Variants in IPP observed in about 807,000 individuals in gnomAD.
IPP encodes the protein intracisternal A particle-promoted polypeptide, also known as actin-binding protein IPP.
IPP carries 41 observed loss-of-function variants against 64.1 expected under a neutral mutation model. The observed-to-expected ratio is 0.64, with a 90% CI of 0.50 to 0.83. The LOEUF (loss-of-function observed/expected upper bound fraction) is 0.83, where lower values mean the gene tolerates loss of function less well. Ranked by LOEUF, IPP falls within the 40% of genes least tolerant of loss-of-function variation. The pLI is 0.00. For synonymous variants in IPP, 214 were observed against 235.2 expected (o/e 0.91, Z 0.83); for missense variants, 649 against 703.0 (o/e 0.92, Z 0.87).
At chr1:45,725,389 C>T (rs1570004179) in intron 5 of IPP, among the ~76,000 whole-genome samples, 2 of 145,980 alleles carry the variant, frequency 1.4e-5, no homozygotes, top group Middle Eastern at 3.6e-3. Flanking sequence ...AGGTGAGGGG[C>T]GCCTCTGCCC....
intron 8 of IPP, among the ~76,000 whole-genome samples, chr1:45,713,428 C>T (rs577139030): frequency 2.0e-5 from 3 of 152,110 alleles, no homozygotes; most frequent in Admixed American, 1.3e-4. Context: ...GGTATGGTGG[C>T]GCATGCCTGA....
chr1:45,698,239 C>A (rs1645404210), downstream of IPP, among the ~76,000 whole-genome samples: 1 of 152,140 alleles, frequency 6.6e-6, no homozygotes, highest in Admixed American at 6.6e-5. Flanking sequence ...TTGCAGTGAG[C>A]CGAGATCACG....
At chr1:45,745,895 A>G (rs375336995) in intron 2 of IPP, among the ~76,000 whole-genome samples, 23 of 152,158 alleles carry the variant, frequency 1.5e-4, no homozygotes, top group African/African-American at 5.5e-4. Context: ...TAATAATAAT[A>G]ATGTTACAAT....
At chr1:45,738,729 A>G (rs1226079027) in intron 3 of IPP, among the ~76,000 whole-genome samples, 1 of 150,930 alleles carries the variant, frequency 6.6e-6, no homozygotes, top group Non-Finnish European at 1.5e-5. Flanking sequence ...AGTCCCAGCT[A>G]CTTGGGAGGC....
At chr1:45,724,315 G>T (rs1645776028) in intron 5 of IPP, among the ~76,000 whole-genome samples, 2 of 150,946 alleles carry the variant, frequency 1.3e-5, no homozygotes, top group African/African-American at 4.9e-5. Flanking sequence ...GTGCAGTGGC[G>T]TGATCTCGGC....
chr1:45,749,494 GT>G lies in IPP; in HGVS notation c.-51+1102del, dbSNP rs200158500. Among the ~76,000 whole-genome samples, 572 of 128,788 alleles carry G rather than the reference GT, an allele frequency of 4.4e-3. 3 individuals are homozygous for G. Among genetic ancestry groups the G allele is most frequent in the African/African-American group, 0.013 (466 of 35,430 alleles). 84.5% of individuals were successfully genotyped at this position (128,788 alleles called of 152,430 possible). A position where few individuals can be genotyped will look rare whatever the true frequency, so the allele number is the denominator to read the frequency against. ...TGTCGGGAGGATCGCTTGATTTTTT[GT>G]TTTTTTTTTTTGTTTTGTTTTTGTT... On this transcript the variant is annotated intron_variant, in intron 1 of 8. Transcript: ENST00000396478.
intron 3 of IPP, among the ~76,000 whole-genome samples, chr1:45,733,375 G>A (rs1645935694): frequency 6.6e-6 from 1 of 151,564 alleles, no homozygotes; most frequent in Admixed American, 6.6e-5. Context: ...GCAGTGAGCT[G>A]AGATCACACC....
chr1:45,740,882 T>C lies in IPP; in HGVS notation c.724+19A>G, dbSNP rs757212765. 9.6e-6 allele frequency: 14 copies of C among 1,454,888 alleles called. No homozygotes were observed. Among genetic ancestry groups the C allele is most frequent in the South Asian group, 1.3e-5 (1 of 75,418 alleles). The allele number at this position is 1,454,888 out of a possible 1,614,324, so 90.1% of individuals were successfully genotyped here. On this transcript the variant is annotated intron_variant, in intron 3 of 8. Transcript: ENST00000396478. ...CTGGATAATTAATCAACTAATTCGA[T>C]ATATAGCAAAAAAGTTACCTTCTAT... is the stretch of plus-strand genomic sequence containing the variant.
downstream of IPP, among the ~76,000 whole-genome samples, chr1:45,698,256 C>G (rs148714996): frequency 3.3e-3 from 499 of 152,272 alleles, 3 homozygotes; most frequent in African/African-American, 0.011. Context: ...CACGCCTTTG[C>G]ACTCCAGCCT....
At chr1:45,744,308 T>C (rs901479611) in intron 2 of IPP, among the ~76,000 whole-genome samples, 2 of 152,162 alleles carry the variant, frequency 1.3e-5, no homozygotes, top group African/African-American at 4.8e-5. Context: ...TTATTGCATA[T>C]CCTGTAAGAC....
At chr1:45,725,246 T>A (rs1645803159) in intron 5 of IPP, among the ~76,000 whole-genome samples, 1 of 131,142 alleles carries the variant, frequency 7.6e-6, no homozygotes, top group Non-Finnish European at 1.6e-5. Context: ...AGCCGCCCCG[T>A]CCGGGAGGTG....
chr1:45,708,356 G>A (rs1645542808), intron 8 of IPP, among the ~76,000 whole-genome samples: 2 of 146,356 alleles, frequency 1.4e-5, no homozygotes, highest in Non-Finnish European at 3.0e-5. Flanking sequence ...GAGCCACCGC[G>A]CCCAGCCCAG....
chr1:45,747,273 G>T (rs531497392), intron 1 of IPP, among the ~76,000 whole-genome samples: 1 of 148,828 alleles, frequency 6.7e-6, no homozygotes, highest in Non-Finnish European at 1.5e-5. Flanking sequence ...CTTAGGTTGG[G>T]TTTTTTTTTT....
chr1:45,714,155 A>G (rs1336125239), intron 8 of IPP, 91 bp downstream of exon 8: 2 of 924,910 alleles, frequency 2.2e-6, no homozygotes, highest in Admixed American at 2.2e-5. Flanking sequence ...CGAATGATCA[A>G]TATCATGAGT....
At chr1:45,740,867 A>C (rs767632947) in intron 3 of IPP, 34 bp downstream of exon 3, 1 of 1,335,220 alleles carries the variant, frequency 7.5e-7, no homozygotes, top group Non-Finnish European at 1.0e-6. Context: ...CTGGATAATT[A>C]ATCAACTAAT....
At chr1:45,710,202 C>A (rs1258013104) in intron 8 of IPP, among the ~76,000 whole-genome samples, 65 of 91,636 alleles carry the variant, frequency 7.1e-4, no homozygotes, top group African/African-American at 2.6e-3. Context: ...TCTAGCCTGG[C>A]GAAAGAGAGC....
chr1:45,702,457 A>G (rs371359399), intron 8 of IPP, among the ~76,000 whole-genome samples: 1 of 152,032 alleles, frequency 6.6e-6, no homozygotes, highest in Non-Finnish European at 1.5e-5. Flanking sequence ...TGTTGTTGTT[A>G]TTATTATTAT....
rs1316163482 is a variant in IPP, at chr1:45,703,237, C to T, written c.1531-3047G>A. Among the ~76,000 whole-genome samples the T allele has an allele frequency of 2.0e-5, 3 of 150,186 alleles. No individual in the cohort carries two copies. In the East Asian group the frequency reaches 6.1e-4, roughly 30 times the overall value. ...CTGAGGAGCTGGGACTACAGGCGTGCACTACCACACCTGGCTAATTTTCAC... is the reference window on the plus strand; with the variant it reads ...CTGAGGAGCTGGGACTACAGGCGTGTACTACCACACCTGGCTAATTTTCAC... On this transcript the variant is annotated intron_variant, in intron 8 of 8. Coordinates refer to ENST00000396478, the MANE Select transcript of IPP (RefSeq NM_005897.3).
At chr1:45,739,331 T>C (rs575603743) in intron 3 of IPP, among the ~76,000 whole-genome samples, 4 of 151,454 alleles carry the variant, frequency 2.6e-5, no homozygotes, top group Non-Finnish European at 5.9e-5. Flanking sequence ...CCTCCTGGAC[T>C]CAGGTGATCC....
Sources: gnomAD v4.1 joint callset for allele counts (sites outside exome capture counted in the v4.1 genomes callset) on GRCh38, gnomAD v4.1.1 for gene constraint, MANE v1.5 for transcripts, NCBI Gene and HGNC (gene_info 2026-07-23, HGNC 2026-07-21) for gene names.